Variants in OTOF observed in about 807,000 individuals in gnomAD.
The protein encoded by OTOF is fer-1-like family member 2.
Under a neutral mutation model 236.8 loss-of-function variants are expected in OTOF, and 218 were observed. That is an observed-to-expected ratio of 0.92 (90% CI 0.82 to 1.03). The LOEUF (loss-of-function observed/expected upper bound fraction) is 1.03, where lower values mean the gene tolerates loss of function less well. OTOF is among the 50% of genes least tolerant of loss of function. The pLI is 0.00. For missense variants in OTOF, 2,590 were observed against 2,694.4 expected, an observed-to-expected ratio of 0.96 and a Z score of 0.86; for synonymous variants, 1,041 against 1,072.5, an observed-to-expected ratio of 0.97 and a Z score of 0.57.
intron 2 of OTOF, among the ~76,000 whole-genome samples, chr2:26,530,655 G>T (rs953393286): frequency 6.6e-6 from 1 of 151,738 alleles, no homozygotes; most frequent in Non-Finnish European, 1.5e-5. Context: ...CTTCCCTCCC[G>T]CATCATTCGT....
At chr2:26,526,863 T>A (rs1666818767) in intron 3 of OTOF, among the ~76,000 whole-genome samples, 1 of 151,528 alleles carries the variant, frequency 6.6e-6, no homozygotes, top group Non-Finnish European at 1.5e-5. Context: ...GAGCAACCGA[T>A]TTTTTTTTAA....
chr2:26,483,746 G>A (rs1167376804), intron 12 of OTOF, 98 bp from the exon 13 acceptor site: 2 of 1,103,578 alleles, frequency 1.8e-6, no homozygotes, highest in African/African-American at 3.1e-5. Flanking sequence ...CAGTCTCTAA[G>A]GGACAGCTGA....
chr2:26,482,174 A>C (rs968509556), intron 14 of OTOF, among the ~76,000 whole-genome samples: 2 of 152,162 alleles, frequency 1.3e-5, no homozygotes. Flanking sequence ...CAGGTCACAC[A>C]ACTACTAGCT....
chr2:26,547,529 C>T (rs1157103842), intron 1 of OTOF, among the ~76,000 whole-genome samples: 2 of 152,232 alleles, frequency 1.3e-5, no homozygotes, highest in Admixed American at 6.5e-5. Context: ...ATTGTTATTA[C>T]GTTTTCCTTT....
intron 1 of OTOF, among the ~76,000 whole-genome samples, chr2:26,553,522 C>T (rs1194512684): frequency 6.6e-6 from 1 of 152,154 alleles, no homozygotes; most frequent in Non-Finnish European, 1.5e-5. Flanking sequence ...GTATGCTGCA[C>T]TCATTTCACC....
In OTOF at chr2:26,473,092, C is replaced by CGTGGA. The variant is rs778652800; in HGVS notation, c.3733+35_3733+39dup. 2.8e-5 allele frequency: 45 copies of CGTGGA among 1,593,708 alleles called. No individual in the cohort carries two copies. Among genetic ancestry groups the CGTGGA allele is most frequent in the Non-Finnish European group, 3.7e-5 (43 of 1,167,906 alleles). ...AGACCTGGAGCCCTTCCCTGGGGGG[C>CGTGGA]GTGGAGCCAGGCTTGGTGGCAGGGT... is the stretch of plus-strand genomic sequence containing the variant. On this transcript the variant is annotated intron_variant, in intron 29 of 46. Coordinates refer to ENST00000272371, the MANE Select transcript of OTOF (RefSeq NM_194248.3). This position sits in a 1 kb window ranked among gnomAD's most constrained non-coding sequence, Gnocchi z 7.2.
At chr2:26,547,417 C>T (rs1469636129) in intron 1 of OTOF, among the ~76,000 whole-genome samples, 1 of 152,060 alleles carries the variant, frequency 6.6e-6, no homozygotes, top group Non-Finnish European at 1.5e-5. Flanking sequence ...AGATATTGGG[C>T]TGTAATTTTC....
chr2:26,546,387 G>A (rs1667333174), intron 1 of OTOF, among the ~76,000 whole-genome samples: 1 of 152,050 alleles, frequency 6.6e-6, no homozygotes, highest in Admixed American at 6.6e-5. Context: ...CTTGAACCCG[G>A]GAGGTGGAGG....
Position 26,483,648 on chromosome 2 carries a change from C to T in OTOF, c.1206G>A (p.Gly402=). ...ANETDEDDIE[G]NLLLPEGVPP... is the part of the protein sequence containing the mutation. ...GCACCCCCTCGGGGAGCAGCAAGTT[C>T]CTGCCAGCACATACAGCCAGGGCCA... The change falls in exon 13 of 47, where the codon GGG becomes GGA. Residue 402 remains glycine (G), a splice_region_variant and synonymous_variant. Transcript: ENST00000272371. 2 of 1,611,808 alleles carry T rather than the reference C, an allele frequency of 1.2e-6. No homozygotes were observed. The highest frequency in any genetic ancestry group is 1.7e-6 in the Non-Finnish European group (2 of 1,179,792).
chr2:26,465,121 T>G (rs528772950), intron 38 of OTOF, 92 bp from the exon 39 acceptor site: 1 of 1,173,286 alleles, frequency 8.5e-7, no homozygotes, highest in East Asian at 2.6e-5. Flanking sequence ...TAAAGTTGGC[T>G]GTTGCCCTCA....
At chr2:26,501,504 T>C (rs1666114947) in intron 8 of OTOF, among the ~76,000 whole-genome samples, 1 of 152,226 alleles carries the variant, frequency 6.6e-6, no homozygotes, top group African/African-American at 2.4e-5. Flanking sequence ...ATACTGAACA[T>C]GAAATACTGG....
intron 2 of OTOF, among the ~76,000 whole-genome samples, chr2:26,531,680 T>A (rs1666951790): frequency 2.6e-5 from 4 of 152,206 alleles, no homozygotes; most frequent in African/African-American, 4.8e-5. Flanking sequence ...TTTGTGGTTA[T>A]GTCCTTTCCT....
At chr2:26,542,341 G>A (rs1012748869) in intron 1 of OTOF, among the ~76,000 whole-genome samples, 2 of 152,220 alleles carry the variant, frequency 1.3e-5, no homozygotes, top group Admixed American at 6.5e-5. Context: ...CCTTCACAGA[G>A]GGGAGTTGTA....
intron 6 of OTOF, 116 bp downstream of exon 6, chr2:26,503,656 T>C: frequency 1.1e-6 from 1 of 887,538 alleles, no homozygotes; most frequent in Non-Finnish European, 1.9e-6. Flanking sequence ...GGGTGGGGCC[T>C]GGCCCTGGGA....
chr2:26,519,003 T>C lies in OTOF; in HGVS notation c.327+7A>G, dbSNP rs1380788190. 1.3e-6 allele frequency: 2 copies of C among 1,597,730 alleles called. No individual in the cohort carries two copies. Among genetic ancestry groups the C allele is most frequent in the East Asian group, 2.2e-5 (1 of 44,802 alleles). On this transcript the variant is annotated splice_region_variant and intron_variant, in intron 4 of 46. Coordinates refer to ENST00000272371, the MANE Select transcript of OTOF (RefSeq NM_194248.3). ...GAAAGTCCAGGAACTCCGTGGGGCA[T>C]ACCCACCTTGATGATAGCATTGTTG...
intron 3 of OTOF, among the ~76,000 whole-genome samples, chr2:26,519,439 G>A (rs920369161): frequency 6.6e-6 from 1 of 152,242 alleles, no homozygotes; most frequent in Non-Finnish European, 1.5e-5. Flanking sequence ...CAGATGCTCA[G>A]TGTGGAGGCT....
At chr2:26,505,720 G>A (rs559234806) in intron 5 of OTOF, among the ~76,000 whole-genome samples, 5 of 152,204 alleles carry the variant, frequency 3.3e-5, no homozygotes, top group Non-Finnish European at 7.3e-5. Context: ...CCTCGATGCC[G>A]TAGGACTGCA....
chr2:26,474,648 G>C lies in OTOF; in HGVS notation c.3153C>G (p.Thr1051=). ...CCATCTTCACCAGGGGTTTGGCGAA[G>C]GTCCGGCCCATGAAGTCAGCTTTGC... ...SMGKADFMGR[T]FAKPLVKMAD... is the part of the protein sequence containing the mutation. Residue 1051 remains threonine, a synonymous_variant, in exon 26 of 47, where the codon ACC becomes ACG. Transcript: ENST00000272371. The C allele has an allele frequency of 1.2e-6, 2 of 1,613,332 alleles. No homozygotes were observed. Among genetic ancestry groups the C allele is most frequent in the Non-Finnish European group, 1.7e-6 (2 of 1,180,018 alleles).
rs748945760 is a variant in OTOF, at chr2:26,458,127, G to A, written c.*111C>T. 4.3e-6 allele frequency: 7 copies of A among 1,614,040 alleles called. No homozygotes were observed. The Admixed American group carries it at 1.0e-4, about 23-fold the overall frequency. Reference sequence around the variant, plus strand: ...TGAGCAGCCCCAACAGCGCCAGCACGATCTTGATGATGAGCCACTTGTACC... The same window carrying A: ...TGAGCAGCCCCAACAGCGCCAGCACAATCTTGATGATGAGCCACTTGTACC... On this transcript the variant is annotated 3_prime_UTR_variant, in exon 47 of 47. Transcript: ENST00000272371.
Sources: allele counts gnomAD v4.1 joint callset (sites outside exome capture counted in the v4.1 genomes callset), GRCh38; gene constraint gnomAD v4.1.1; non-coding constraint Gnocchi (gnomAD v3.1); transcripts MANE v1.5; gene names NCBI Gene and HGNC (gene_info 2026-07-23, HGNC 2026-07-21).